Variants in FTO observed in about 807,000 individuals in gnomAD.
The protein encoded by FTO is FTO alpha-ketoglutarate dependent dioxygenase, also known as alpha-ketoglutarate-dependent dioxygenase FTO.
In FTO, 47 loss-of-function variants were observed where a neutral mutation model predicts 63.9. That is an observed-to-expected ratio of 0.74 (90% CI 0.58 to 0.94). FTO has a LOEUF of 0.94. FTO is among the 40% of genes least tolerant of loss of function. The pLI is 0.00. For missense variants in FTO, 562 were observed against 618.1 expected, an observed-to-expected ratio of 0.91 and a Z score of 0.96; for synonymous variants, 207 against 224.4, an observed-to-expected ratio of 0.92 and a Z score of 0.69.
chr16:53,788,432 G>A (rs958436794), intron 1 of FTO, among the ~76,000 whole-genome samples: 5 of 151,708 alleles, frequency 3.3e-5, no homozygotes, highest in Admixed American at 6.6e-5. Context: ...GTGAAACTCC[G>A]TCTCTACTAA....
At chr16:54,108,467 T>G (rs1342558683) in intron 8 of FTO, among the ~76,000 whole-genome samples, 2 of 152,094 alleles carry the variant, frequency 1.3e-5, no homozygotes, top group African/African-American at 4.8e-5. Flanking sequence ...TAGGTGCAAT[T>G]TGATTCAAGC....
chr16:53,929,636 A>G (rs1179895288), intron 7 of FTO, among the ~76,000 whole-genome samples: 1 of 152,212 alleles, frequency 6.6e-6, no homozygotes, highest in Non-Finnish European at 1.5e-5. Context: ...TCAGAATGGT[A>G]GTATTTTGCA....
chr16:53,946,022 G>A (rs1258303173), intron 8 of FTO, among the ~76,000 whole-genome samples: 1 of 152,176 alleles, frequency 6.6e-6, no homozygotes, highest in African/African-American at 2.4e-5. Flanking sequence ...ACTCTGTAAT[G>A]TTATAGATAA....
At position 53,846,232 on chromosome 16, in the gene FTO, C is replaced by G. The variant is rs1387929266; in HGVS notation, c.895+1934C>G. Reference sequence around the variant, plus strand: ...AATGTTTTCAGTGTTAAGGTTCTCTCTTCCCCACTGTCTCTCCTGCCTGAT... The same window carrying G: ...AATGTTTTCAGTGTTAAGGTTCTCTGTTCCCCACTGTCTCTCCTGCCTGAT... On this transcript the variant is annotated intron_variant, in intron 4 of 8. Coordinates refer to ENST00000471389, the MANE Select transcript of FTO (RefSeq NM_001080432.3). 2.6e-5 allele frequency among the ~76,000 whole-genome samples: 4 copies of G among 152,294 alleles called. 1 individual carries two copies. In the South Asian group the frequency reaches 6.2e-4, roughly 24 times the overall value.
At chr16:54,047,040 C>T (rs2085185216) in intron 8 of FTO, among the ~76,000 whole-genome samples, 1 of 147,892 alleles carries the variant, frequency 6.8e-6, no homozygotes, top group Non-Finnish European at 1.5e-5. Context: ...CCATTCAGGA[C>T]ATAGGCGTAG....
chr16:53,950,253 T>G (rs1219632203), intron 8 of FTO, among the ~76,000 whole-genome samples: 1 of 149,760 alleles, frequency 6.7e-6, no homozygotes, highest in Non-Finnish European at 1.5e-5. Flanking sequence ...CCCCACACAG[T>G]AGGAAGTCGT....
chr16:54,050,299 C>G (rs2085282837), intron 8 of FTO, among the ~76,000 whole-genome samples: 1 of 152,118 alleles, frequency 6.6e-6, no homozygotes, highest in Non-Finnish European at 1.5e-5. Flanking sequence ...CATATTCTCC[C>G]AGAGCAGTGC....
At chr16:53,809,903 T>C (rs1342810147) in intron 1 of FTO, among the ~76,000 whole-genome samples, 3 of 151,966 alleles carry the variant, frequency 2.0e-5, no homozygotes, top group Non-Finnish European at 2.9e-5. Context: ...ATCACACCAC[T>C]GTATTCCAGC....
chr16:54,039,773 T>C (rs1404615833), intron 8 of FTO: 1 of 152,232 alleles, frequency 6.6e-6, no homozygotes, highest in Non-Finnish European at 1.5e-5. Flanking sequence ...AGGGAAGGTT[T>C]ATCCTGATTG....
intron 8 of FTO, among the ~76,000 whole-genome samples, chr16:54,019,863 C>T (rs1397267487): frequency 1.3e-5 from 2 of 152,158 alleles, no homozygotes; most frequent in Non-Finnish European, 2.9e-5. Context: ...CACTTCACTA[C>T]TCATTAGCAC....
chr16:53,814,816 A>G (rs541119468), intron 2 of FTO: 2 of 152,282 alleles, frequency 1.3e-5, no homozygotes, highest in South Asian at 2.1e-4. Context: ...ACTCCATTAA[A>G]CAAATGGATT....
chr16:54,041,608 G>A (rs768690775), intron 8 of FTO, among the ~76,000 whole-genome samples: 1 of 152,170 alleles, frequency 6.6e-6, no homozygotes, highest in Non-Finnish European at 1.5e-5. Flanking sequence ...CCTGAGGACA[G>A]TATCCTTTCT....
intron 7 of FTO, among the ~76,000 whole-genome samples, chr16:53,912,500 A>G (rs984701005): frequency 1.3e-5 from 2 of 152,268 alleles, no homozygotes; most frequent in East Asian, 1.9e-4. Context: ...CTTCTTTTCT[A>G]TTAAGCTTGT....
At chr16:53,769,459 A>T (rs938839216) in intron 1 of FTO, among the ~76,000 whole-genome samples, 1 of 152,206 alleles carries the variant, frequency 6.6e-6, no homozygotes, top group Admixed American at 6.5e-5. Context: ...GAGCATTGTT[A>T]TGAAGATCAA....
At chr16:53,728,989 C>T (rs2076211913) in intron 1 of FTO, among the ~76,000 whole-genome samples, 1 of 150,964 alleles carries the variant, frequency 6.6e-6, no homozygotes, top group Non-Finnish European at 1.5e-5. Context: ...GTCTCGAACT[C>T]CCGACCTCAA....
At chr16:53,731,068 T>A (rs1360004834) in intron 1 of FTO, among the ~76,000 whole-genome samples, 1 of 152,166 alleles carries the variant, frequency 6.6e-6, no homozygotes, top group African/African-American at 2.4e-5. Context: ...GGTGTCCAGA[T>A]GTTTGTAGAG....
At chr16:53,820,503 A>T (rs2078829809) in intron 2 of FTO, among the ~76,000 whole-genome samples, 1 of 151,278 alleles carries the variant, frequency 6.6e-6, no homozygotes, top group African/African-American at 2.4e-5. Context: ...TTATACTTTA[A>T]GTTTTAGGGT....
In FTO at chr16:54,113,130, G is replaced by T. The variant is rs570294299; in HGVS notation, c.*1215G>T. 2.0e-3 allele frequency: 304 copies of T among 152,300 alleles called. 2 individuals are homozygous for T. The highest frequency in any genetic ancestry group is 0.017 in the Middle Eastern group (5 of 294). The allele number at this position is 152,300 out of a possible 1,614,324, so 9.4% of individuals were successfully genotyped here. ...CATAGTTAAATATCCAGGAAATTCT[G>T]GTACTGTTATGTGTGGGTGAGCTGA... On this transcript the variant is annotated 3_prime_UTR_variant, in exon 9 of 9. Coordinates refer to ENST00000471389, the MANE Select transcript of FTO (RefSeq NM_001080432.3).
At chr16:53,843,829 T>TTAA (rs10629683) in intron 3 of FTO, among the ~76,000 whole-genome samples, 18,975 of 151,484 alleles carry the variant, frequency 0.13, 1,324 homozygotes, top group Middle Eastern at 0.17. Context: ...TTTTTTTTTT[T>TTAA]AATAGAGATG....
Sources: gnomAD v4.1 joint callset for allele counts (sites outside exome capture counted in the v4.1 genomes callset) on GRCh38, gnomAD v4.1.1 for gene constraint, MANE v1.5 for transcripts, NCBI Gene and HGNC (gene_info 2026-07-23, HGNC 2026-07-21) for gene names.